XPR1: variants seen among roughly 807,000 people sequenced by gnomAD.
XPR1 encodes xenotropic and polytropic retrovirus receptor 1.
In XPR1, 28 loss-of-function variants were observed where a neutral mutation model predicts 87.5. The observed-to-expected ratio is 0.32, with a 90% CI of 0.24 to 0.44. The LOEUF (loss-of-function observed/expected upper bound fraction) is 0.44. XPR1 is among the 20% of genes least tolerant of loss of function. XPR1 has a pLI of 1.00. For synonymous variants in XPR1, 300 were observed against 306.1 expected (o/e 0.98, Z 0.21); for missense variants, 559 against 862.3 (o/e 0.65, Z 4.41).
rs923802169 is a variant in XPR1, at chr1:180,834,852, T to C, written c.1135-22T>C. 2.5e-6 allele frequency: 4 copies of C among 1,589,900 alleles called. No individual in the cohort carries two copies. The African/African-American group carries it at 5.5e-5, about 22-fold the overall frequency. ...TACGACTTTTCTTGTTTCTGTGTTT[T>C]CTGATTTTTTTTTTCTTTCAGTTTC... On this transcript the variant is annotated intron_variant, in intron 9 of 14. Transcript: ENST00000367590.
chr1:180,804,866 ATG>A (rs1474945486), intron 4 of XPR1, among the ~76,000 whole-genome samples: 2 of 152,120 alleles, frequency 1.3e-5, no homozygotes, highest in African/African-American at 2.4e-5. Context: ...CAAAAATAAA[ATG>A]TATTTCCTCT....
intron 1 of XPR1, among the ~76,000 whole-genome samples, chr1:180,673,996 C>T (rs993244655): frequency 2.6e-5 from 4 of 152,184 alleles, no homozygotes; most frequent in African/African-American, 9.6e-5. Context: ...AATGTCACAA[C>T]ATTGTGATGT....
intron 2 of XPR1, among the ~76,000 whole-genome samples, chr1:180,720,141 G>C (rs1196649967): frequency 6.6e-6 from 1 of 152,080 alleles, no homozygotes; most frequent in Non-Finnish European, 1.5e-5. Flanking sequence ...GGTGTTACGA[G>C]ATAGGAGAGG....
At chr1:180,844,035 A>AC (rs1361421564) in intron 11 of XPR1, among the ~76,000 whole-genome samples, 1 of 152,074 alleles carries the variant, frequency 6.6e-6, no homozygotes, top group African/African-American at 2.4e-5. Flanking sequence ...TCATGGTGAA[A>AC]CCCCATCTCT....
At chr1:180,865,310 A>G (rs1471098488) in intron 12 of XPR1, among the ~76,000 whole-genome samples, 1 of 152,192 alleles carries the variant, frequency 6.6e-6, no homozygotes, top group Admixed American at 6.5e-5. Flanking sequence ...ATAGGAGCTC[A>G]GTTAAAAATG....
intron 11 of XPR1, among the ~76,000 whole-genome samples, chr1:180,849,770 T>A (rs1361110414): frequency 3.3e-5 from 5 of 152,166 alleles, no homozygotes; most frequent in Admixed American, 6.5e-5. Flanking sequence ...TGGTACTCAC[T>A]TCATAAGGAG....
intron 11 of XPR1, among the ~76,000 whole-genome samples, chr1:180,846,337 G>A (rs1021283929): frequency 2.6e-5 from 4 of 151,750 alleles, no homozygotes; most frequent in Admixed American, 1.3e-4. Flanking sequence ...AATTTATATT[G>A]TTAATAAATA....
At chr1:180,745,484 C>T (rs1295132377) in intron 2 of XPR1, among the ~76,000 whole-genome samples, 1 of 152,168 alleles carries the variant, frequency 6.6e-6, no homozygotes, top group Non-Finnish European at 1.5e-5. Context: ...AGTTTCTCTT[C>T]CTCAGTGTTT....
chr1:180,774,311 A>G (rs1184839960), intron 2 of XPR1, among the ~76,000 whole-genome samples: 1 of 152,114 alleles, frequency 6.6e-6, no homozygotes, highest in Admixed American at 6.5e-5. Flanking sequence ...TGGATGTTAA[A>G]GAATTAACAA....
intron 13 of XPR1, among the ~76,000 whole-genome samples, chr1:180,877,499 C>T (rs900177712): frequency 1.3e-5 from 2 of 152,120 alleles, no homozygotes; most frequent in Non-Finnish European, 2.9e-5. Context: ...GTTCCCAGCT[C>T]CTACTGTATA....
At chr1:180,682,585 T>C (rs893208292) in intron 2 of XPR1, among the ~76,000 whole-genome samples, 174 bp downstream of exon 2, 20 of 152,226 alleles carry the variant, frequency 1.3e-4, no homozygotes, top group African/African-American at 4.8e-4. Flanking sequence ...ATTTTTCTCT[T>C]GTCTAGCTCA....
chr1:180,674,447 C>A (rs1400677087), intron 1 of XPR1, among the ~76,000 whole-genome samples: 1 of 152,044 alleles, frequency 6.6e-6, no homozygotes, highest in Non-Finnish European at 1.5e-5. Context: ...TTAGTAGAGA[C>A]AAGGTTTCAC....
intron 2 of XPR1, among the ~76,000 whole-genome samples, chr1:180,722,292 C>T (rs150051013): frequency 4.6e-5 from 7 of 152,190 alleles, no homozygotes; most frequent in South Asian, 2.1e-4. Context: ...GACAGGGTTT[C>T]GCCATCTTGG....
chr1:180,864,552 G>A (rs1652325313), intron 12 of XPR1, among the ~76,000 whole-genome samples: 1 of 152,006 alleles, frequency 6.6e-6, no homozygotes, highest in Non-Finnish European at 1.5e-5. Flanking sequence ...CTGCTTGATT[G>A]CATCAAGAAG....
At chr1:180,839,951 CG>C (rs1399200429) in intron 11 of XPR1, among the ~76,000 whole-genome samples, 1 of 151,620 alleles carries the variant, frequency 6.6e-6, no homozygotes, top group African/African-American at 2.4e-5. Context: ...CGGCCGGGCG[CG>C]GTGGCTCACG....
intron 2 of XPR1, among the ~76,000 whole-genome samples, chr1:180,775,003 G>A (rs1009609353): frequency 6.6e-6 from 1 of 152,138 alleles, no homozygotes; most frequent in Non-Finnish European, 1.5e-5. Flanking sequence ...AAGGATGAAA[G>A]GGACTAGGGA....
intron 1 of XPR1, among the ~76,000 whole-genome samples, chr1:180,650,739 T>A (rs2101903792): frequency 6.6e-6 from 1 of 152,320 alleles, no homozygotes; most frequent in Middle Eastern, 3.4e-3. Context: ...TGAAATTAAA[T>A]TTGTTGCAAT....
At chr1:180,825,445 C>T (rs1213777456) in intron 9 of XPR1, 101 bp downstream of exon 9, 11 of 1,241,068 alleles carry the variant, frequency 8.9e-6, no homozygotes, top group African/African-American at 3.1e-5. Flanking sequence ...CTGCAGAGGC[C>T]GTGGTTCACA....
chr1:180,760,473 GACAA>G (rs1198247070), intron 2 of XPR1, among the ~76,000 whole-genome samples: 3 of 152,278 alleles, frequency 2.0e-5, no homozygotes, highest in South Asian at 2.1e-4. Context: ...ACCAATAACA[GACAA>G]ACAGAGAGCC....
Sources: allele counts gnomAD v4.1 joint callset (sites outside exome capture counted in the v4.1 genomes callset), GRCh38; gene constraint gnomAD v4.1.1; transcripts MANE v1.5; gene names NCBI Gene and HGNC (gene_info 2026-07-23, HGNC 2026-07-21).